The following SENP3 variants were observed in gnomAD, a reference collection of about 807,000 sequenced individuals.
SENP3 encodes the protein SUMO specific peptidase 3.
In SENP3, 11 loss-of-function variants were observed where a neutral mutation model predicts 66.2. The ratio of observed to expected loss-of-function variants is 0.17; its 90% CI spans 0.10 to 0.28. The LOEUF (loss-of-function observed/expected upper bound fraction) is 0.28. SENP3 is among the 10% of genes least tolerant of loss of function. The pLI is 1.00. For synonymous variants in SENP3, 292 were observed against 277.6 expected (o/e 1.05, Z -0.52); for missense variants, 548 against 743.7 (o/e 0.74, Z 3.06).
In SENP3 at chr17:7,563,100, C is replaced by G. The variant is rs1489079339; in HGVS notation, c.24C>G (p.Thr8=). The change falls in exon 2 of 11, where the codon ACC becomes ACG. Residue 8 remains threonine (T), a synonymous_variant. Coordinates refer to ENST00000321337, the MANE Select transcript of SENP3 (RefSeq NM_015670.6). ...AGATGAAAGAGACTATACAAGGGAC[C>G]GGGTCCTGGGGGCCTGAGCCTCCTG... MKETIQG[T]GSWGPEPPGP... The G allele has an allele frequency of 6.6e-7, 1 of 1,515,462 alleles. No homozygotes were observed. The highest frequency in any genetic ancestry group is 1.4e-5 in the African/African-American group (1 of 71,498). 93.9% of individuals were successfully genotyped at this position (1,515,462 alleles called of 1,614,324 possible).
rs952098749 is a variant in SENP3 at position 7,562,010 on chromosome 17, T to A, written c.-265T>A. The A allele has an allele frequency of 1.3e-5, 5 of 397,376 alleles. No homozygotes were observed. In the East Asian group the frequency reaches 1.8e-4, roughly 14 times the overall value. 24.6% of individuals were successfully genotyped at this position (397,376 alleles called of 1,614,324 possible). A position where few individuals can be genotyped will look rare whatever the true frequency, so the allele number is the denominator to read the frequency against. On this transcript the variant is annotated 5_prime_UTR_variant, in exon 1 of 11. Transcript: ENST00000321337. This position sits in a 1 kb window ranked among gnomAD's most constrained non-coding sequence, Gnocchi z 5.0. The stretch of plus-strand genomic sequence containing the variant: ...GGGGGAGGAGTGGCGGCGGCGGCGG[T>A]GGCGCTGGTGGCGGCGGTGGCGGAG...
rs2071236715 is a variant in SENP3, at chr17:7,563,266, C to T, written c.190C>T (p.Pro64Ser). 3 of 1,554,952 alleles carry T rather than the reference C, an allele frequency of 1.9e-6. No individual in the cohort carries two copies. Among genetic ancestry groups the T allele is most frequent in the Non-Finnish European group, 8.7e-7 (1 of 1,148,902 alleles). Residue 64 changes from proline to serine, a missense_variant, in exon 2 of 11, where the codon CCT becomes TCT. Physicochemically the swap from Pro to Ser is moderately conservative, Grantham distance 74 (BLOSUM62 -1). Transcript: ENST00000321337. ...SGTTVPARRLPVPRPSFDASA... is the reference protein window; with the variant it reads ...SGTTVPARRLSVPRPSFDASA... ...GACCACAGTGCCAGCCAGACGCCTC[C>T]CTGTCCCCCGACCCTCTTTTGATGC...
In SENP3 at chr17:7,563,165, A is replaced by T. The variant is rs1355155553; in HGVS notation, c.89A>T (p.Glu30Val). ...CCAGCTTACTCAAGTCCCAGGCGGG[A>T]GCGTCTTCGTTGGCCCCCACCTCCC... is the stretch of plus-strand genomic sequence containing the variant. Reference protein sequence around the residue: ...IPPAYSSPRRERLRWPPPPKP... With the variant: ...IPPAYSSPRRVRLRWPPPPKP... Residue 30 changes from glutamate to valine, a missense_variant, in exon 2 of 11, where the codon GAG becomes GTG. Glu to Val is a moderately radical substitution (Grantham distance 121). Coordinates refer to ENST00000321337, the MANE Select transcript of SENP3 (RefSeq NM_015670.6). 1.3e-6 allele frequency: 2 copies of T among 1,557,922 alleles called. No individual in the cohort carries two copies. Among genetic ancestry groups the T allele is most frequent in the Admixed American group, 1.9e-5 (1 of 52,574 alleles).
Position 7,562,389 on chromosome 17 carries a change from A to G in SENP3, c.-12+126A>G. 1 of 395,614 alleles carries G rather than the reference A, an allele frequency of 2.5e-6. No individual in the cohort carries two copies. The highest frequency in any genetic ancestry group is 4.5e-6 in the Non-Finnish European group (1 of 224,642). 24.5% of individuals were successfully genotyped at this position (395,614 alleles called of 1,614,324 possible). ...TCTTAAGGCCCGTGTGCGCCGAGCC[A>G]TCCAAGCTCGTGGGACCGGACTGGT... On this transcript the variant is annotated intron_variant, in intron 1 of 10. Transcript: ENST00000321337. This position sits in a 1 kb window ranked among gnomAD's most constrained non-coding sequence, Gnocchi z 5.0.
chr17:7,564,413 G>A, intron 2 of SENP3: 1 of 741,792 alleles, frequency 1.3e-6, no homozygotes, highest in Non-Finnish European at 2.4e-6. Flanking sequence ...CTATGAGTAG[G>A]AACTCTCTCT....
chr17:7,571,909 A>AT lies in SENP3; in HGVS notation c.*426_*427insT, dbSNP rs2071328173. ...TATATATATATATATATATATATAT[A>AT]AAAATATATAAATGCCACGGTCCTG... On this transcript the variant is annotated 3_prime_UTR_variant, in exon 11 of 11. Coordinates refer to ENST00000321337, the MANE Select transcript of SENP3 (RefSeq NM_015670.6). 1.5e-3 allele frequency: 22 copies of AT among 15,066 alleles called. 6 individuals are homozygous for AT. The highest frequency in any genetic ancestry group is 1.9e-3 in the Non-Finnish European group (12 of 6,378). 0.9% of individuals were successfully genotyped at this position (15,066 alleles called of 1,614,324 possible).
At chr17:7,569,320 G>A (rs2071293105) in intron 7 of SENP3, among the ~76,000 whole-genome samples, 1 of 148,932 alleles carries the variant, frequency 6.7e-6, no homozygotes, top group African/African-American at 2.5e-5. Flanking sequence ...AGGAGGTGGA[G>A]CTTGCAGTGA....
In SENP3 at chr17:7,562,959, TTTTC is replaced by T. The variant is rs545010273; in HGVS notation, c.-11-103_-11-100del. 4,904 of 1,317,262 alleles carry T rather than the reference TTTTC, an allele frequency of 3.7e-3. 12 individuals carry two copies. Among genetic ancestry groups the T allele is most frequent in the Middle Eastern group, 4.6e-3 (16 of 3,480 alleles). 81.6% of individuals were successfully genotyped at this position (1,317,262 alleles called of 1,614,324 possible). ...GTTAGGAGTTTTGCGTTTTTTCCTC[TTTTC>T]TTTATTTGCATCTGAATCCAGAGGA... On this transcript the variant is annotated intron_variant, in intron 1 of 10. Transcript: ENST00000321337. The surrounding 1 kb of genome is among the most constrained non-coding windows in gnomAD (Gnocchi z 5.0).
Position 7,570,333 on chromosome 17 carries a change from G to C in SENP3, c.1342-23G>C, listed in dbSNP as rs779566322. ...GGCAAGACTTCTGTTTGTTGTACCT[G>C]ACCTGTGGCACTATCTCTTTAGGTG... On this transcript the variant is annotated intron_variant, in intron 7 of 10. Transcript: ENST00000321337. This position sits in a 1 kb window ranked among gnomAD's most constrained non-coding sequence, Gnocchi z 5.4. 3.7e-5 allele frequency: 60 copies of C among 1,607,734 alleles called. No individual in the cohort carries two copies. The highest frequency in any genetic ancestry group is 4.7e-5 in the Non-Finnish European group (55 of 1,174,928).
rs1279758793 is a variant in SENP3 at position 7,570,550 on chromosome 17, T to C, written c.1479+57T>C. Reference sequence around the variant, plus strand: ...TGTGGGGCGGTGCAGTGGCAAGGCATTGCAGGAAGAAGGGTGGGCTTTGGG... The same window carrying C: ...TGTGGGGCGGTGCAGTGGCAAGGCACTGCAGGAAGAAGGGTGGGCTTTGGG... On this transcript the variant is annotated intron_variant, in intron 8 of 10. Transcript: ENST00000321337. The surrounding 1 kb of genome is among the most constrained non-coding windows in gnomAD (Gnocchi z 5.4). The C allele has an allele frequency of 5.0e-6, 8 of 1,586,514 alleles. No individual in the cohort carries two copies. In the South Asian group the frequency reaches 6.8e-5, roughly 13 times the overall value.
chr17:7,563,735 C>G lies in SENP3; in HGVS notation c.659C>G (p.Pro220Arg). The G allele has an allele frequency of 6.2e-7, 1 of 1,612,918 alleles. No individual in the cohort carries two copies. Among genetic ancestry groups the G allele is most frequent in the Non-Finnish European group, 8.5e-7 (1 of 1,179,826 alleles). Residue 220 changes from proline (P) to arginine (R), a missense_variant, in exon 2 of 11, where the codon CCC becomes CGC. Physicochemically the swap from Pro to Arg is moderately radical, Grantham distance 103. This residue lies in a region of SENP3 where 215 missense variants were observed against 230.7 expected (regional missense o/e 0.93). Transcript: ENST00000321337. ...TCTCCACCAGTGCCCTCTGGGCCCC[C>G]CATGGAGGAAGATGGACTCAGGTGG... ...RGSPPVPSGP[P>R]MEEDGLRWTP...
chr17:7,562,004 C>CGGCGGT lies in SENP3; in HGVS notation c.-266_-261dup, dbSNP rs1454544346. ...AGGAGGGGGGGAGGAGTGGCGGCGG[C>CGGCGGT]GGCGGTGGCGCTGGTGGCGGCGGTG... On this transcript the variant is annotated 5_prime_UTR_variant, in exon 1 of 11. Coordinates refer to ENST00000321337, the MANE Select transcript of SENP3 (RefSeq NM_015670.6). The surrounding 1 kb of genome is among the most constrained non-coding windows in gnomAD (Gnocchi z 5.0). The CGGCGGT allele has an allele frequency of 2.5e-6, 1 of 398,184 alleles. No individual in the cohort carries two copies. The highest frequency in any genetic ancestry group is 4.4e-6 in the Non-Finnish European group (1 of 226,280). 24.7% of individuals were successfully genotyped at this position (398,184 alleles called of 1,614,324 possible).
Position 7,571,504 on chromosome 17 carries a change from A to C in SENP3, c.*21A>C, listed in dbSNP as rs1339646239. ...TGTGAGCCTCGTACCCCAGACCCCA[A>C]GCCCATAAATGGGAAGGGAGACATG... On this transcript the variant is annotated 3_prime_UTR_variant, in exon 11 of 11. Coordinates refer to ENST00000321337, the MANE Select transcript of SENP3 (RefSeq NM_015670.6). 1.9e-6 allele frequency: 3 copies of C among 1,583,798 alleles called. No homozygotes were observed. The South Asian group carries it at 3.3e-5, about 18-fold the overall frequency.
intron 4 of SENP3, 104 bp from the exon 5 acceptor site, chr17:7,565,336 G>GA: frequency 7.0e-7 from 1 of 1,422,440 alleles, no homozygotes; most frequent in Non-Finnish European, 9.6e-7. Context: ...TCATGAGCCA[G>GA]AAAAAAGGGA....
Position 7,561,949 on chromosome 17 carries a change from G to C in SENP3, c.-326G>C. 1 of 391,696 alleles carries C rather than the reference G, an allele frequency of 2.6e-6. No homozygotes were observed. The highest frequency in any genetic ancestry group is 4.5e-6 in the Non-Finnish European group (1 of 221,178). 24.3% of individuals were successfully genotyped at this position (391,696 alleles called of 1,614,324 possible). A position where few individuals can be genotyped will look rare whatever the true frequency, so the allele number is the denominator to read the frequency against. ...GTACTAATCGTGCGCCACCGCTGCC[G>C]GTGGGCCCGGGGCTCGCGGGAGGGG... is the stretch of plus-strand genomic sequence containing the variant. On this transcript the variant is annotated 5_prime_UTR_variant, in exon 1 of 11. Coordinates refer to ENST00000321337, the MANE Select transcript of SENP3 (RefSeq NM_015670.6). This position sits in a 1 kb window ranked among gnomAD's most constrained non-coding sequence, Gnocchi z 4.4.
rs2071329430 is a variant in SENP3, at chr17:7,571,934, G to C, written c.*451G>C. The C allele has an allele frequency of 8.1e-6, 1 of 123,230 alleles. No individual in the cohort carries two copies. The highest frequency in any genetic ancestry group is 1.6e-5 in the Non-Finnish European group (1 of 61,784). 7.6% of individuals were successfully genotyped at this position (123,230 alleles called of 1,614,324 possible). On this transcript the variant is annotated 3_prime_UTR_variant, in exon 11 of 11. Coordinates refer to ENST00000321337, the MANE Select transcript of SENP3 (RefSeq NM_015670.6). ...AAAAATATATAAATGCCACGGTCCT[G>C]CTCTGGTCAATAAAGGATCCTTTGT...
At position 7,562,411 on chromosome 17, in the gene SENP3, TG is replaced by T. The variant is rs2071224924; in HGVS notation, c.-12+150del. 1 of 395,728 alleles carries T rather than the reference TG, an allele frequency of 2.5e-6. No homozygotes were observed. 24.5% of individuals were successfully genotyped at this position (395,728 alleles called of 1,614,324 possible). The stretch of plus-strand genomic sequence containing the variant: ...GCCATCCAAGCTCGTGGGACCGGAC[TG>T]GTGCCGGGTTGCATTCTGGTCCCCG... On this transcript the variant is annotated intron_variant, in intron 1 of 10. Coordinates refer to ENST00000321337, the MANE Select transcript of SENP3 (RefSeq NM_015670.6). This position sits in a 1 kb window ranked among gnomAD's most constrained non-coding sequence, Gnocchi z 5.0.
At position 7,563,804 on chromosome 17, in the gene SENP3, AG is replaced by A; in HGVS notation, c.715+17del. The A allele has an allele frequency of 6.1e-6, 5 of 825,586 alleles. No individual in the cohort carries two copies. Among genetic ancestry groups the A allele is most frequent in the Non-Finnish European group, 9.6e-6 (5 of 523,392 alleles). 51.1% of individuals were successfully genotyped at this position (825,586 alleles called of 1,614,324 possible). A position where few individuals can be genotyped will look rare whatever the true frequency, so the allele number is the denominator to read the frequency against. The stretch of plus-strand genomic sequence containing the variant: ...GACCCTGACTCGGGTAAGGTGGGAA[AG>A]GGGTGTGGGGTTGCGGGGGAGGGGT... On this transcript the variant is annotated intron_variant, in intron 2 of 10. Transcript: ENST00000321337.
intron 10 of SENP3, 39 bp from the exon 11 acceptor site, chr17:7,571,333 AC>A (rs2071312566): frequency 7.0e-7 from 1 of 1,434,190 alleles, no homozygotes; most frequent in African/African-American, 1.4e-5. Flanking sequence ...ACAGGTCCTG[AC>A]ACGGGGGGTT....
Sources: allele counts gnomAD v4.1 joint callset (sites outside exome capture counted in the v4.1 genomes callset), GRCh38; gene constraint gnomAD v4.1.1; regional missense constraint gnomAD v4.1.1; non-coding constraint Gnocchi (gnomAD v3.1); transcripts MANE v1.5; gene names NCBI Gene and HGNC (gene_info 2026-07-23, HGNC 2026-07-21).